ANKRD44: variants seen among roughly 807,000 people sequenced by gnomAD.
ANKRD44 encodes the protein serine/threonine-protein phosphatase 6 regulatory ankyrin repeat subunit B.
In ANKRD44, 35 loss-of-function variants were observed where a neutral mutation model predicts 116.0. The ratio of observed to expected loss-of-function variants is 0.30; its 90% CI spans 0.23 to 0.40. The LOEUF (loss-of-function observed/expected upper bound fraction) is 0.40. Ranked by LOEUF, ANKRD44 falls within the 10% of genes least tolerant of loss-of-function variation. ANKRD44 has a pLI of 1.00. For missense variants in ANKRD44, 1,014 were observed against 1,242.6 expected (o/e 0.82, Z 2.77); for synonymous variants, 435 against 461.8 (o/e 0.94, Z 0.74).
At chr2:197,289,324 T>G (rs1217440607) in intron 1 of ANKRD44, among the ~76,000 whole-genome samples, 1 of 151,996 alleles carries the variant, frequency 6.6e-6, no homozygotes, top group Admixed American at 6.6e-5. Context: ...GTTGGGGGAG[T>G]GTGAAATGGT....
rs958284249 is a variant in ANKRD44 at position 196,988,041 on chromosome 2, C to T, written c.*1550G>A. 5.1e-6 allele frequency: 5 copies of T among 985,208 alleles called. No homozygotes were observed. Among genetic ancestry groups the T allele is most frequent in the Admixed American group, 6.2e-5 (1 of 16,246 alleles). The allele number at this position is 985,208 out of a possible 1,614,324, so 61.0% of individuals were successfully genotyped here. A position where few individuals can be genotyped will look rare whatever the true frequency, so the allele number is the denominator to read the frequency against. On this transcript the variant is annotated 3_prime_UTR_variant, in exon 28 of 28. Coordinates refer to ENST00000282272, the MANE Select transcript of ANKRD44 (RefSeq NM_001195144.2). ...GTTCATTGTGAGCATGATTTCATTTCGTTCCTTTGTCCTCCTTCTATGAGT... is the reference window on the plus strand; with the variant it reads ...GTTCATTGTGAGCATGATTTCATTTTGTTCCTTTGTCCTCCTTCTATGAGT...
intron 2 of ANKRD44, among the ~76,000 whole-genome samples, chr2:197,153,272 A>C (rs12994231): frequency 1.1e-4 from 16 of 150,142 alleles, no homozygotes; most frequent in African/African-American, 3.7e-4. Flanking sequence ...AAGAGGAAGA[A>C]GAGGAAGAGG....
chr2:197,010,334 T>C (rs1352998742), intron 18 of ANKRD44, among the ~76,000 whole-genome samples: 2 of 151,822 alleles, frequency 1.3e-5, no homozygotes, highest in Non-Finnish European at 2.9e-5. Flanking sequence ...TTCTCTGACT[T>C]CCCAGGCATC....
chr2:197,265,195 A>T lies in ANKRD44; in HGVS notation c.27+45383T>A, dbSNP rs543885933. 2.0e-5 allele frequency among the ~76,000 whole-genome samples: 3 copies of T among 148,924 alleles called. No homozygotes were observed. In the East Asian group the frequency reaches 6.0e-4, roughly 30 times the overall value. ...GCTTTTTCTTATTTTAGACAGAGAA[A>T]TGCTAACGTACTTCCTTAAGTAACA... On this transcript the variant is annotated intron_variant, in intron 1 of 27. Coordinates refer to ENST00000282272, the MANE Select transcript of ANKRD44 (RefSeq NM_001195144.2).
intron 1 of ANKRD44, among the ~76,000 whole-genome samples, chr2:197,265,232 CT>C (rs112311831): frequency 5.5e-3 from 326 of 59,446 alleles, no homozygotes; most frequent in Middle Eastern, 0.011. Context: ...CACTTTTTTT[CT>C]TTTTTTTTTT....
At chr2:197,004,663 G>A (rs58482780) in intron 21 of ANKRD44, among the ~76,000 whole-genome samples, 6,276 of 152,136 alleles carry the variant, frequency 0.041, 405 homozygotes, top group African/African-American at 0.14. Flanking sequence ...CAAATGTTTG[G>A]TGAAATAATA....
intron 16 of ANKRD44, among the ~76,000 whole-genome samples, chr2:197,044,102 T>C (rs1229102295): frequency 1.3e-5 from 2 of 152,236 alleles, no homozygotes; most frequent in East Asian, 3.8e-4. Context: ...GAATTTTATT[T>C]ATTAAGCAAT....
intron 1 of ANKRD44, among the ~76,000 whole-genome samples, chr2:197,276,049 G>A (rs2083072507): frequency 6.6e-6 from 1 of 152,100 alleles, no homozygotes; most frequent in Non-Finnish European, 1.5e-5. Context: ...GCCAAGGTGG[G>A]CAAATCACCT....
chr2:197,231,585 C>T (rs2081864740), intron 1 of ANKRD44, among the ~76,000 whole-genome samples: 2 of 151,940 alleles, frequency 1.3e-5, no homozygotes, highest in Admixed American at 1.3e-4. Context: ...GCAAGGGACA[C>T]TTAGCAATGT....
rs371939539 is a variant in ANKRD44 at position 197,147,114 on chromosome 2, CACA to C, written c.112-12_112-10del. 64 of 1,613,292 alleles carry C rather than the reference CACA, an allele frequency of 4.0e-5. 2 individuals carry two copies. The highest frequency in any genetic ancestry group is 3.9e-4 in the African/African-American group (29 of 75,010). The stretch of plus-strand genomic sequence containing the variant: ...GTTCGTTTCTCAGAATCCTGAAATA[CACA>C]ACGTCAAAGACATACAACAGGTCAG... On this transcript the variant is annotated splice_polypyrimidine_tract_variant and intron_variant, in intron 2 of 27. Transcript: ENST00000282272.
At chr2:197,180,297 A>G (rs551671999) in intron 2 of ANKRD44, among the ~76,000 whole-genome samples, 7 of 152,234 alleles carry the variant, frequency 4.6e-5, no homozygotes, top group Non-Finnish European at 1.0e-4. Context: ...TTTGGCCTGC[A>G]CATTGTTAGG....
chr2:197,061,218 G>A (rs1353027792), intron 16 of ANKRD44, among the ~76,000 whole-genome samples: 3 of 152,150 alleles, frequency 2.0e-5, no homozygotes, highest in African/African-American at 7.2e-5. Flanking sequence ...GGTAATTGTG[G>A]GGCTGGCATT....
chr2:197,052,227 C>T (rs1170736648), intron 16 of ANKRD44, among the ~76,000 whole-genome samples: 1 of 152,144 alleles, frequency 6.6e-6, no homozygotes, highest in Admixed American at 6.5e-5. Flanking sequence ...AATTTGACTG[C>T]ATAGAAAATT....
intron 16 of ANKRD44, among the ~76,000 whole-genome samples, chr2:197,048,728 TG>T (rs1452409383): frequency 6.6e-6 from 1 of 152,196 alleles, no homozygotes; most frequent in Admixed American, 6.5e-5. Flanking sequence ...CTGGGTCAAA[TG>T]GTATTTCTAG....
intron 21 of ANKRD44, among the ~76,000 whole-genome samples, chr2:196,972,455 T>C (rs1005132544): frequency 6.6e-6 from 1 of 152,136 alleles, no homozygotes; most frequent in Non-Finnish European, 1.5e-5. Flanking sequence ...ACCCACCTTG[T>C]CCTCCCGAAG....
chr2:197,244,747 A>G (rs1212053633), intron 1 of ANKRD44, among the ~76,000 whole-genome samples: 1 of 152,346 alleles, frequency 6.6e-6, no homozygotes, highest in East Asian at 1.9e-4. Context: ...AGCTGACTCT[A>G]CATCTCAAGC....
chr2:197,299,534 AC>A (rs1395728736), intron 1 of ANKRD44: 2 of 152,364 alleles, frequency 1.3e-5, no homozygotes, highest in Non-Finnish European at 2.9e-5. Context: ...ATTTGCAGCA[AC>A]CTGGATGGAA....
At chr2:197,139,141 A>G (rs2079294258) in intron 3 of ANKRD44, among the ~76,000 whole-genome samples, 1 of 152,166 alleles carries the variant, frequency 6.6e-6, no homozygotes, top group African/African-American at 2.4e-5. Flanking sequence ...AGTAAAATTG[A>G]TGACATGCAT....
At chr2:197,018,813 A>AT (rs1558994309) in intron 17 of ANKRD44, among the ~76,000 whole-genome samples, 1 of 152,194 alleles carries the variant, frequency 6.6e-6, no homozygotes, top group African/African-American at 2.4e-5. Flanking sequence ...AACAGCAATT[A>AT]TTTTTTGAGG....
Sources: gnomAD v4.1 joint callset for allele counts (sites outside exome capture counted in the v4.1 genomes callset) on GRCh38, gnomAD v4.1.1 for gene constraint, MANE v1.5 for transcripts, NCBI Gene and HGNC (gene_info 2026-07-23, HGNC 2026-07-21) for gene names.